The following SHOX variants were observed in gnomAD, a reference collection of about 807,000 sequenced individuals.
The protein encoded by SHOX is SHOX homeobox.
SHOX carries 12 observed loss-of-function variants against 29.6 expected under a neutral mutation model. That is an observed-to-expected ratio of 0.41 (90% CI 0.26 to 0.66). The LOEUF (loss-of-function observed/expected upper bound fraction) is 0.66. SHOX is among the 30% of genes least tolerant of loss of function. SHOX has a pLI of 0.35. For synonymous variants in SHOX, 214 were observed against 200.6 expected, an observed-to-expected ratio of 1.07 and a Z score of -0.57; for missense variants, 499 against 437.7, an observed-to-expected ratio of 1.14 and a Z score of -1.25.
rs2052971727 is a variant in SHOX, at chrX:646,765, A to G, written c.*2129A>G. 6.6e-6 allele frequency: 1 copy of G among 152,032 alleles called. No homozygotes were observed. Among genetic ancestry groups the G allele is most frequent in the Non-Finnish European group, 1.5e-5 (1 of 68,010 alleles). The allele number at this position is 152,032 out of a possible 1,614,324, so 9.4% of individuals were successfully genotyped here. On this transcript the variant is annotated 3_prime_UTR_variant, in exon 5 of 5. Transcript: ENST00000686671. ...TTAACGGTATTAGAGAGTTTGCCTCATTCATCCATTTTTCTTAAAAGCTGG... is the reference window on the plus strand; with the variant it reads ...TTAACGGTATTAGAGAGTTTGCCTCGTTCATCCATTTTTCTTAAAAGCTGG...
rs150241617 is a variant in SHOX, at chrX:649,635, G to A, written c.*4999G>A. Among the ~76,000 whole-genome samples, 1,037 of 152,278 alleles carry A rather than the reference G, an allele frequency of 6.8e-3. 8 individuals are homozygous for A. Among genetic ancestry groups the A allele is most frequent in the Non-Finnish European group, 0.011 (768 of 68,022 alleles). ...CGCAGAGCAAGGAATACCACCCAGA[G>A]AGCAACGTGGGCTGTGTTCCGATGT... On this transcript the variant is annotated 3_prime_UTR_variant, in exon 5 of 5. Coordinates refer to ENST00000686671, the MANE Select transcript of SHOX (RefSeq NM_000451.4).
intron 2 of SHOX, among the ~76,000 whole-genome samples, chrX:640,184 A>C (rs1167937037): frequency 6.6e-6 from 1 of 151,218 alleles, no homozygotes; most frequent in African/African-American, 2.4e-5. Context: ...ATCTCTACTA[A>C]AAATACAAAC....
intron 1 of SHOX, among the ~76,000 whole-genome samples, chrX:625,364 G>C (rs2052504296): frequency 6.6e-6 from 1 of 151,796 alleles, no homozygotes. Context: ...TGGGACGCTT[G>C]GCAAAAGGCA....
chrX:658,913 C>T (rs967879205), exon 6 of SHOX: 6 of 276,548 alleles, frequency 2.2e-5, no homozygotes, highest in Admixed American at 1.8e-4. Flanking sequence ...TACAGGTGCC[C>T]ACCACCATGT....
Position 650,402 on chromosome X carries a change from T to G in SHOX, c.*5766T>G, listed in dbSNP as rs1020016667. The stretch of plus-strand genomic sequence containing the variant: ...GGAAGCCTGAGTTTCTGTTCTGGTC[T>G]TGCTGCTGTCCTTGGCCACGTCAGC... On this transcript the variant is annotated 3_prime_UTR_variant, in exon 5 of 5. Transcript: ENST00000686671. Among the ~76,000 whole-genome samples, 31 of 152,150 alleles carry G rather than the reference T, an allele frequency of 2.0e-4. No homozygotes were observed. The highest frequency in any genetic ancestry group is 3.8e-4 in the Non-Finnish European group (26 of 68,032).
chrX:633,215 C>G (rs1014052494), intron 1 of SHOX, among the ~76,000 whole-genome samples: 2 of 152,048 alleles, frequency 1.3e-5, no homozygotes, highest in African/African-American at 4.8e-5. Flanking sequence ...TTTTTGGGAA[C>G]AGCGTGTCCC....
downstream of SHOX, among the ~76,000 whole-genome samples, chrX:651,992 G>C (rs1197435938): frequency 6.6e-6 from 1 of 151,846 alleles, no homozygotes; most frequent in Non-Finnish European, 1.5e-5. Context: ...GCGCGATCTC[G>C]GCTCACCGCG....
At chrX:653,840 G>A (rs1166093777), downstream of SHOX, among the ~76,000 whole-genome samples, 1 of 151,852 alleles carries the variant, frequency 6.6e-6, no homozygotes, top group Non-Finnish European at 1.5e-5. Flanking sequence ...GGGATTTAAA[G>A]AAAAATGCAG....
chrX:625,858 C>T (rs1429402217), upstream of SHOX, among the ~76,000 whole-genome samples: 1 of 134,700 alleles, frequency 7.4e-6, no homozygotes, highest in Non-Finnish European at 1.6e-5. Flanking sequence ...CTCTGTATCT[C>T]TGTCTATCTC....
chrX:637,586 G>A (rs2052780069), intron 2 of SHOX, among the ~76,000 whole-genome samples: 2 of 151,984 alleles, frequency 1.3e-5, no homozygotes, highest in African/African-American at 4.8e-5. Flanking sequence ...CAACAAACAT[G>A]GGAATGCAAT....
rs762549263 is a variant in SHOX, at chrX:634,706, C to T, written c.366C>T (p.Thr122=). ...QTKLKQRRSR[T]NFTLEQLNEL... ...AGCTGAAACAGAGGCGCAGCCGCACCAACTTCACGCTGGAGCAGCTGAACG... is the reference window on the plus strand; with the variant it reads ...AGCTGAAACAGAGGCGCAGCCGCACTAACTTCACGCTGGAGCAGCTGAACG... The change falls in exon 2 of 5, where the codon ACC becomes ACT. Residue 122 remains threonine (T), a synonymous_variant. Transcript: ENST00000686671. 4.3e-6 allele frequency: 7 copies of T among 1,613,840 alleles called. No homozygotes were observed. The highest frequency in any genetic ancestry group is 5.9e-6 in the Non-Finnish European group (7 of 1,179,846).
downstream of SHOX, among the ~76,000 whole-genome samples, chrX:652,216 G>T (rs149064299): frequency 3.3e-5 from 5 of 151,884 alleles, no homozygotes; most frequent in African/African-American, 1.2e-4. Flanking sequence ...CTTTTATTTT[G>T]TTCCAGTTTT....
At chrX:640,413 A>G (rs1455512416) in intron 2 of SHOX, among the ~76,000 whole-genome samples, 1 of 151,774 alleles carries the variant, frequency 6.6e-6, no homozygotes, top group Non-Finnish European at 1.5e-5. Context: ...CCGCGTCTCT[A>G]CTAAAATACA....
intron 5 of SHOX, among the ~76,000 whole-genome samples, chrX:657,806 A>C (rs1603292071): frequency 6.6e-6 from 1 of 152,310 alleles, no homozygotes; most frequent in South Asian, 2.1e-4. Context: ...ATGTGTTTGA[A>C]TGGAACACAT....
chrX:626,200 C>G (rs1490909115), upstream of SHOX, among the ~76,000 whole-genome samples: 1 of 126,980 alleles, frequency 7.9e-6, no homozygotes, highest in East Asian at 2.4e-4. Context: ...GTTCCTCTCT[C>G]TCTTTTTCTC....
chrX:632,778 C>T (rs978231982), intron 1 of SHOX, among the ~76,000 whole-genome samples: 2 of 152,180 alleles, frequency 1.3e-5, no homozygotes, highest in African/African-American at 4.8e-5. Context: ...TGCGGGCACC[C>T]GGCACTGTAA....
At chrX:631,845 C>T (rs2052656405) in intron 1 of SHOX, 1 of 454,620 alleles carries the variant, frequency 2.2e-6, no homozygotes, top group Non-Finnish European at 4.4e-6. Flanking sequence ...GTCCTGACGG[C>T]TTAGGATGTG....
upstream of SHOX, among the ~76,000 whole-genome samples, chrX:627,660 C>T (rs2052562391): frequency 6.7e-6 from 1 of 148,198 alleles, no homozygotes; most frequent in Admixed American, 6.6e-5. Flanking sequence ...GGCCGAGGGG[C>T]CTTGAATAGC....
In SHOX at chrX:632,606, T is replaced by C. The variant is rs889430504; in HGVS notation, c.277+1432T>C. Among the ~76,000 whole-genome samples the C allele has an allele frequency of 1.8e-4, 27 of 152,140 alleles. 1 individual carries two copies. On this transcript the variant is annotated intron_variant, in intron 1 of 4. Coordinates refer to ENST00000686671, the MANE Select transcript of SHOX (RefSeq NM_000451.4). ...GTGGAGTGGCCCCGGGAAATAGCCCTTGTATTCGTAGGAGGCACCAGGCAG... is the reference window on the plus strand; with the variant it reads ...GTGGAGTGGCCCCGGGAAATAGCCCCTGTATTCGTAGGAGGCACCAGGCAG...
Sources: allele counts gnomAD v4.1 joint callset (sites outside exome capture counted in the v4.1 genomes callset), GRCh38; gene constraint gnomAD v4.1.1; transcripts MANE v1.5; gene names NCBI Gene and HGNC (gene_info 2026-07-23, HGNC 2026-07-21).